Variants in MITD1 observed in about 807,000 individuals in gnomAD.
MITD1 encodes microtubule interacting and trafficking domain containing 1, also known as MIT domain-containing protein 1.
MITD1 carries 24 observed loss-of-function variants against 34.9 expected under a neutral mutation model. The observed-to-expected ratio is 0.69, with a 90% CI of 0.50 to 0.97. The LOEUF (loss-of-function observed/expected upper bound fraction) is 0.97, where lower values mean the gene tolerates loss of function less well. Ranked by LOEUF, MITD1 falls within the 50% of genes least tolerant of loss-of-function variation. The pLI, the probability that MITD1 is intolerant of heterozygous loss-of-function variation, is 0.00. For missense variants in MITD1, 266 were observed against 294.6 expected (o/e 0.90, Z 0.71); for synonymous variants, 102 against 101.4 (o/e 1.01, Z -0.04).
chr2:99,180,811 C>T lies in MITD1; in HGVS notation c.151+20G>A, dbSNP rs1467378183. On this transcript the variant is annotated intron_variant, in intron 1 of 6. Transcript: ENST00000289359. ...CAGCTCCTTTTCCTCAGGTCCTCCCCGCCTTGGCTCATTGCTCACCTTTCA... is the reference window on the plus strand; with the variant it reads ...CAGCTCCTTTTCCTCAGGTCCTCCCTGCCTTGGCTCATTGCTCACCTTTCA... The T allele has an allele frequency of 2.5e-6, 4 of 1,608,406 alleles. No individual in the cohort carries two copies. The East Asian group carries it at 6.7e-5, about 27-fold the overall frequency.
Position 99,169,623 on chromosome 2 carries a change from GT to G in MITD1, c.594-14del. On this transcript the variant is annotated splice_polypyrimidine_tract_variant and intron_variant, in intron 5 of 6. Transcript: ENST00000289359. Reference sequence around the variant, plus strand: ...TCCATTGTTGAACCTGTTGAAATTAGTATATAGTATTATATTCAAGACATTT... The same window carrying G: ...TCCATTGTTGAACCTGTTGAAATTAGATATAGTATTATATTCAAGACATTT... 1 of 1,573,236 alleles carries G rather than the reference GT, an allele frequency of 6.4e-7. No individual in the cohort carries two copies. The highest frequency in any genetic ancestry group is 8.7e-7 in the Non-Finnish European group (1 of 1,143,182).
At chr2:99,180,571 T>G (rs985541141) in intron 1 of MITD1, 3 of 296,190 alleles carry the variant, frequency 1.0e-5, no homozygotes, top group Non-Finnish European at 1.3e-5. Context: ...AAAGCTTATA[T>G]ATTACATTGC....
downstream of MITD1, among the ~76,000 whole-genome samples, chr2:99,166,859 AT>A (rs1240650539): frequency 3.4e-4 from 1 of 2,908 alleles, no homozygotes; most frequent in African/African-American, 1.7e-3. Flanking sequence ...GGGGTTTTAA[AT>A]ATATATATAT....
chr2:99,176,947 A>T lies in MITD1; in HGVS notation c.152-2931T>A, dbSNP rs77554501. On this transcript the variant is annotated intron_variant, in intron 1 of 6. Coordinates refer to ENST00000289359, the MANE Select transcript of MITD1 (RefSeq NM_138798.3). ...GGGGGAGTCCCACCACTACTTCTAG[A>T]CCCTCTCAGTCAATACAGCTAGGAG... Among the ~76,000 whole-genome samples the T allele has an allele frequency of 9.6e-3, 1,464 of 152,130 alleles. 15 individuals are homozygous for T. Among genetic ancestry groups the T allele is most frequent in the African/African-American group, 0.033 (1,390 of 41,500 alleles).
downstream of MITD1, among the ~76,000 whole-genome samples, chr2:99,165,938 G>T (rs1035917073): frequency 6.6e-5 from 10 of 152,192 alleles, no homozygotes; most frequent in Non-Finnish European, 1.3e-4. Flanking sequence ...TTCCAAGCCA[G>T]TGATATCAGT....
At chr2:99,165,061 C>CACACACACACATATATAT (rs370053233), downstream of MITD1, among the ~76,000 whole-genome samples, 1 of 135,192 alleles carries the variant, frequency 7.4e-6, no homozygotes. Flanking sequence ...CACACACACA[C>CACACACACACATATATAT]ATATATATAT....
intron 7 of MITD1, chr2:99,163,195 AAC>A (rs2105204010): frequency 3.1e-6 from 2 of 642,652 alleles, no homozygotes; most frequent in Non-Finnish European, 4.9e-6. Flanking sequence ...AAAAAAACAA[AAC>A]ACAACAACCT....
At chr2:99,176,926 GAGTCCCACC>G (rs1292846502) in intron 1 of MITD1, among the ~76,000 whole-genome samples, 1 of 152,078 alleles carries the variant, frequency 6.6e-6, no homozygotes, top group Non-Finnish European at 1.5e-5. Context: ...GCTGCTGGGG[GAGTCCCACC>G]ACTACTTCTA....
At chr2:99,171,737 T>A in intron 2 of MITD1, 91 bp from the exon 3 acceptor site, 1 of 1,248,174 alleles carries the variant, frequency 8.0e-7, no homozygotes, top group Non-Finnish European at 1.1e-6. Flanking sequence ...CAGCATCAGA[T>A]ACATATTAAT....
At chr2:99,179,656 G>A (rs998156224) in intron 1 of MITD1, among the ~76,000 whole-genome samples, 2 of 151,982 alleles carry the variant, frequency 1.3e-5, no homozygotes, top group Non-Finnish European at 2.9e-5. Context: ...TCCGCCTCCC[G>A]GATTCAAGCA....
downstream of MITD1, among the ~76,000 whole-genome samples, chr2:99,165,061 C>CATATAT (rs1553515881): frequency 6.4e-3 from 871 of 135,246 alleles, 3 homozygotes; most frequent in Middle Eastern, 0.011. Context: ...CACACACACA[C>CATATAT]ATATATATAT....
chr2:99,171,198 C>A, intron 4 of MITD1, 145 bp downstream of exon 4: 1 of 623,118 alleles, frequency 1.6e-6, no homozygotes, highest in Non-Finnish European at 2.9e-6. Flanking sequence ...TTTTTTATGA[C>A]ATGTTATGCA....
rs1055763305 is a variant in MITD1 at position 99,170,979 on chromosome 2, G to A, written c.478-327C>T. 3.1e-5 allele frequency: 8 copies of A among 259,936 alleles called. No individual in the cohort carries two copies. The South Asian group carries it at 5.8e-4, about 19-fold the overall frequency. The allele number at this position is 259,936 out of a possible 1,614,324, so 16.1% of individuals were successfully genotyped here. On this transcript the variant is annotated intron_variant, in intron 4 of 6. Transcript: ENST00000289359. ...TTATTTAGAAGCATTCTTATTTTAAGTCAAAACCAAGATAGAGATGCCCAC... is the reference window on the plus strand; with the variant it reads ...TTATTTAGAAGCATTCTTATTTTAAATCAAAACCAAGATAGAGATGCCCAC...
At chr2:99,177,321 C>G (rs1307844701) in intron 1 of MITD1, among the ~76,000 whole-genome samples, 1 of 152,192 alleles carries the variant, frequency 6.6e-6, no homozygotes, top group African/African-American at 2.4e-5. Flanking sequence ...ACTCCCATAT[C>G]TAATCATGTG....
At chr2:99,171,877 G>A in intron 2 of MITD1, 1 of 456,492 alleles carries the variant, frequency 2.2e-6, no homozygotes, top group Non-Finnish European at 3.9e-6. Context: ...CAGAGGCTAG[G>A]CAAGGGGGAA....
downstream of MITD1, among the ~76,000 whole-genome samples, chr2:99,166,858 AATATATATATATATATATATATATAT>A (rs10584187): frequency 4.3e-5 from 5 of 115,422 alleles, no homozygotes; most frequent in African/African-American, 1.4e-4. Context: ...TGGGGTTTTA[AATATATATATATATATATATATATAT>A]ATATATATAT....
At chr2:99,168,313 G>A (rs1053587238), downstream of MITD1, among the ~76,000 whole-genome samples, 1 of 152,030 alleles carries the variant, frequency 6.6e-6, no homozygotes, top group African/African-American at 2.4e-5. Context: ...GGCTAATTTT[G>A]TATTTTTAAT....
chr2:99,179,090 C>G (rs903111969), intron 1 of MITD1, among the ~76,000 whole-genome samples: 1 of 152,190 alleles, frequency 6.6e-6, no homozygotes, highest in African/African-American at 2.4e-5. Context: ...TCTCCTGGCA[C>G]TTATTCCCTG....
chr2:99,172,560 G>C (rs528036558), intron 2 of MITD1: 1 of 152,040 alleles, frequency 6.6e-6, no homozygotes, highest in African/African-American at 2.4e-5. Context: ...TATTGAAAAA[G>C]TTATCAGAAA....
Sources: allele counts gnomAD v4.1 joint callset (sites outside exome capture counted in the v4.1 genomes callset), GRCh38; gene constraint gnomAD v4.1.1; transcripts MANE v1.5; gene names NCBI Gene and HGNC (gene_info 2026-07-23, HGNC 2026-07-21).